Variants in DNAH5 observed in about 807,000 individuals in gnomAD.
DNAH5 encodes axonemal beta dynein heavy chain 5.
DNAH5 carries 372 observed loss-of-function variants against 518.2 expected under a neutral mutation model. That is an observed-to-expected ratio of 0.72 (90% confidence interval 0.66 to 0.78). The LOEUF (loss-of-function observed/expected upper bound fraction) is 0.78. Ranked by LOEUF, DNAH5 falls within the 30% of genes least tolerant of loss-of-function variation. The pLI is 0.00. For missense variants in DNAH5, 5,523 were observed against 5,687.0 expected (o/e 0.97, Z 0.93); for synonymous variants, 2,039 against 2,025.9 (o/e 1.01, Z -0.17).
chr5:13,827,677 A>C (rs1024008285), intron 38 of DNAH5, among the ~76,000 whole-genome samples: 1 of 151,572 alleles, frequency 6.6e-6, no homozygotes, highest in African/African-American at 2.4e-5. Flanking sequence ...TGAGGACATG[A>C]GATCTTGAAG....
At chr5:13,728,506 T>A (rs936656749) in intron 69 of DNAH5, among the ~76,000 whole-genome samples, 2 of 152,182 alleles carry the variant, frequency 1.3e-5, no homozygotes, top group Non-Finnish European at 2.9e-5. Context: ...GTTTCGTGCA[T>A]AAGATATCAT....
chr5:13,729,592 C>A, intron 68 of DNAH5, 32 bp from the exon 69 acceptor site: 1 of 1,580,276 alleles, frequency 6.3e-7, no homozygotes, highest in Non-Finnish European at 8.6e-7. Flanking sequence ...TATCAGATTT[C>A]CCTTCCTTCA....
At chr5:13,994,976 C>T (rs1783832116) in intron 1 of DNAH5, among the ~76,000 whole-genome samples, 1 of 152,188 alleles carries the variant, frequency 6.6e-6, no homozygotes, top group Admixed American at 6.5e-5. Context: ...AGACCCGTTC[C>T]AGGAGTTCAG....
Position 13,700,670 on chromosome 5 carries a change from G to A in DNAH5, c.13693C>T (p.Pro4565Ser), listed in dbSNP as rs1226024218. ...SKPKVLFELM[P>S]VIRIYAENNT... ...TTTTCTGCATAAATCCTTATGACAG[G>A]CATCAACTCAAAGAGCACTTTTGGC... Residue 4565 changes from proline (P) to serine (S), a missense_variant, in exon 78 of 79, where the codon CCT becomes TCT. By Grantham distance (74) the Pro-to-Ser change is moderately conservative. Transcript: ENST00000265104. 2 of 1,613,996 alleles carry A rather than the reference G, an allele frequency of 1.2e-6. No homozygotes were observed. Among genetic ancestry groups the A allele is most frequent in the East Asian group, 2.2e-5 (1 of 44,886 alleles).
intron 53 of DNAH5, among the ~76,000 whole-genome samples, chr5:13,778,037 AT>A (rs1754367611): frequency 6.6e-6 from 1 of 152,164 alleles, no homozygotes. Context: ...TATAAATAAA[AT>A]TATCCCAATT....
chr5:13,713,270 C>G (rs1330536922), intron 75 of DNAH5, among the ~76,000 whole-genome samples: 2 of 139,696 alleles, frequency 1.4e-5, no homozygotes, highest in Non-Finnish European at 3.1e-5. Flanking sequence ...CATATATATA[C>G]CGACATATAT....
intron 66 of DNAH5, among the ~76,000 whole-genome samples, chr5:13,736,404 A>T (rs562321921): frequency 1.8e-4 from 27 of 151,938 alleles, no homozygotes; most frequent in African/African-American, 5.8e-4. Context: ...TATTATTATT[A>T]TTTTGTTGAT....
chr5:13,786,455 T>C, intron 51 of DNAH5, 104 bp from the exon 52 acceptor site: 1 of 1,197,594 alleles, frequency 8.4e-7, no homozygotes, highest in Non-Finnish European at 1.2e-6. Context: ...CTGAATAACA[T>C]TCATTTTAAG....
rs546472987 is a variant in DNAH5 at position 13,708,483 on chromosome 5, AAAAAG to A, written c.13126-153_13126-149del. The stretch of plus-strand genomic sequence containing the variant: ...TTTATTGCATGGCAAAAAGAAAAAA[AAAAAG>A]AAAAGAAAACAGAAAAAAGTATCTG... On this transcript the variant is annotated intron_variant, in intron 75 of 78. Coordinates refer to ENST00000265104, the MANE Select transcript of DNAH5 (RefSeq NM_001369.3). The A allele has an allele frequency of 8.9e-6, 7 of 786,362 alleles. No individual in the cohort carries two copies. In the East Asian group the frequency reaches 1.9e-4, roughly 21 times the overall value. The allele number at this position is 786,362 out of a possible 1,614,324, so 48.7% of individuals were successfully genotyped here. A position where few individuals can be genotyped will look rare whatever the true frequency, so the allele number is the denominator to read the frequency against.
intron 1 of DNAH5, among the ~76,000 whole-genome samples, chr5:14,007,565 T>C (rs1428229407): frequency 6.6e-6 from 1 of 152,240 alleles, no homozygotes; most frequent in Non-Finnish European, 1.5e-5. Flanking sequence ...TTACCCCATC[T>C]GGGATAGGTA....
intron 35 of DNAH5, among the ~76,000 whole-genome samples, chr5:13,833,030 G>A (rs764523398): frequency 7.9e-5 from 12 of 151,268 alleles, no homozygotes; most frequent in Non-Finnish European, 1.5e-5. Context: ...CATCAGCAGA[G>A]TACATTTCTT....
intron 12 of DNAH5, among the ~76,000 whole-genome samples, chr5:13,907,495 G>A (rs1170983036): frequency 2.0e-5 from 3 of 152,038 alleles, no homozygotes; most frequent in Non-Finnish European, 4.4e-5. Flanking sequence ...ATTAATCAAA[G>A]AATAAAAATT....
intron 21 of DNAH5, among the ~76,000 whole-genome samples, chr5:13,879,561 C>G (rs570239038): frequency 6.6e-6 from 1 of 152,002 alleles, no homozygotes; most frequent in African/African-American, 2.4e-5. Context: ...TCACCAATAT[C>G]AAGAGAGAAA....
intron 40 of DNAH5, among the ~76,000 whole-genome samples, chr5:13,822,627 A>G (rs1482218070): frequency 6.6e-6 from 1 of 152,234 alleles, no homozygotes; most frequent in Non-Finnish European, 1.5e-5. Flanking sequence ...CCACTTCTAT[A>G]AAACATTTTT....
chr5:13,805,079 T>C (rs1018640414), intron 47 of DNAH5, among the ~76,000 whole-genome samples: 16 of 152,082 alleles, frequency 1.1e-4, no homozygotes, highest in Non-Finnish European at 2.2e-4. Flanking sequence ...TAGAAAGGAC[T>C]CACATGGGCC....
intron 62 of DNAH5, 73 bp downstream of exon 62, chr5:13,754,130 T>A (rs1750657457): frequency 1.3e-5 from 21 of 1,581,182 alleles, no homozygotes; most frequent in Admixed American, 3.3e-5. Context: ...CAAAGGAATT[T>A]GATTAAAGTA....
intron 47 of DNAH5, among the ~76,000 whole-genome samples, chr5:13,796,532 T>C (rs1201592015): frequency 6.6e-6 from 1 of 152,050 alleles, no homozygotes; most frequent in African/African-American, 2.4e-5. Flanking sequence ...TACAAACCAC[T>C]GCGCCACGAA....
At chr5:13,941,007 G>A (rs564634961) in intron 1 of DNAH5, among the ~76,000 whole-genome samples, 2 of 152,316 alleles carry the variant, frequency 1.3e-5, no homozygotes, top group South Asian at 2.1e-4. Flanking sequence ...GCATGATAAT[G>A]ATGGGGCATC....
At chr5:13,696,380 G>A (rs1741399229) in intron 78 of DNAH5, among the ~76,000 whole-genome samples, 1 of 152,058 alleles carries the variant, frequency 6.6e-6, no homozygotes, top group African/African-American at 2.4e-5. Flanking sequence ...TTACCGTCTT[G>A]GTGAATTTAG....
Sources: allele counts gnomAD v4.1 joint callset (sites outside exome capture counted in the v4.1 genomes callset), GRCh38; gene constraint gnomAD v4.1.1; transcripts MANE v1.5; gene names NCBI Gene and HGNC (gene_info 2026-07-23, HGNC 2026-07-21).